The following SMG6 variants were observed in gnomAD, a reference collection of about 807,000 sequenced individuals.
SMG6 encodes telomerase-binding protein EST1A.
In SMG6, 66 loss-of-function variants were observed where a neutral mutation model predicts 142.2. The observed-to-expected ratio is 0.46, with a 90% CI of 0.38 to 0.57. The LOEUF is 0.57. Among genes scored for constraint, SMG6 ranks in the 20% least tolerant of loss-of-function variants. SMG6 has a pLI of 0.00. For synonymous variants in SMG6, 779 were observed against 702.4 expected (o/e 1.11, Z -1.72); for missense variants, 1,793 against 1,832.0 (o/e 0.98, Z 0.39).
intron 13 of SMG6, chr17:2,087,954 A>G (rs1002712040): frequency 2.0e-6 from 2 of 985,666 alleles, no homozygotes; most frequent in Non-Finnish European, 2.4e-6. Flanking sequence ...TACTGCTTGC[A>G]CTATGGAGAA....
intron 8 of SMG6, among the ~76,000 whole-genome samples, chr17:2,251,081 G>A (rs535073540): frequency 2.0e-5 from 3 of 151,356 alleles, no homozygotes; most frequent in Non-Finnish European, 4.4e-5. Flanking sequence ...AGGAGGCACT[G>A]TGTTTCCCTT....
At chr17:2,241,275 T>C (rs1285915654) in intron 9 of SMG6, among the ~76,000 whole-genome samples, 1 of 152,178 alleles carries the variant, frequency 6.6e-6, no homozygotes, top group Non-Finnish European at 1.5e-5. Context: ...ATGAGATATC[T>C]ATTCATTTTT....
rs369510433 is a variant in SMG6, at chr17:2,299,331, T to C, written c.1422A>G (p.Leu474=). The change falls in exon 2 of 19, where the codon CTA becomes CTG. Residue 474 remains leucine, a synonymous_variant. Coordinates refer to ENST00000263073, the MANE Select transcript of SMG6 (RefSeq NM_017575.5). This position sits in a 1 kb window ranked among gnomAD's most constrained non-coding sequence, Gnocchi z 4.3. ...KPALKTQTPQ[L]HFLDTDDEVS... is the part of the protein sequence containing the mutation. ...CTTCATCATCAGTGTCCAAGAAATG[T>C]AGCTGGGGCGTCTGAGTCTTTAGAG... 1.5e-5 allele frequency: 24 copies of C among 1,614,106 alleles called. No homozygotes were observed. In the African/African-American group the frequency reaches 2.1e-4, roughly 14 times the overall value.
intron 10 of SMG6, among the ~76,000 whole-genome samples, chr17:2,230,710 C>T (rs1184607876): frequency 2.0e-5 from 3 of 152,122 alleles, no homozygotes; most frequent in Admixed American, 6.6e-5. Flanking sequence ...CTGCACTAAG[C>T]GGCCTGTCAA....
intron 10 of SMG6, among the ~76,000 whole-genome samples, chr17:2,193,853 AT>A (rs1376719787): frequency 6.6e-6 from 1 of 152,218 alleles, no homozygotes; most frequent in East Asian, 1.9e-4. Flanking sequence ...TTTGAGACAG[AT>A]TCTCACTCTG....
At chr17:2,217,612 T>C (rs2073053544) in intron 10 of SMG6, among the ~76,000 whole-genome samples, 1 of 152,110 alleles carries the variant, frequency 6.6e-6, no homozygotes, top group East Asian at 1.9e-4. Flanking sequence ...AAATATCTCA[T>C]TACCCTCTAC....
At chr17:2,092,822 C>T (rs1318505747) in intron 13 of SMG6, among the ~76,000 whole-genome samples, 6 of 152,368 alleles carry the variant, frequency 3.9e-5, no homozygotes, top group Non-Finnish European at 8.8e-5. Flanking sequence ...GTACTAACTG[C>T]CACTTCCTGG....
chr17:2,157,693 T>C (rs1250156737), intron 13 of SMG6, among the ~76,000 whole-genome samples: 1 of 152,170 alleles, frequency 6.6e-6, no homozygotes, highest in East Asian at 1.9e-4. Context: ...AGGCTTAACT[T>C]TGTAGTAAAG....
intron 10 of SMG6, among the ~76,000 whole-genome samples, chr17:2,202,207 G>A (rs1347391529): frequency 6.6e-6 from 1 of 152,120 alleles, no homozygotes; most frequent in Non-Finnish European, 1.5e-5. Context: ...ATAAATTGTG[G>A]TATATCCACA....
At chr17:2,123,334 A>C (rs1009862978) in intron 13 of SMG6, among the ~76,000 whole-genome samples, 1 of 152,204 alleles carries the variant, frequency 6.6e-6, no homozygotes, top group Non-Finnish European at 1.5e-5. Flanking sequence ...TGGAGACTCC[A>C]AACGATATTC....
At chr17:2,082,169 C>A (rs1433104068) in intron 14 of SMG6, 4 of 563,370 alleles carry the variant, frequency 7.1e-6, no homozygotes, top group Non-Finnish European at 9.5e-6. Context: ...CTTTTATACT[C>A]TGGGGCTTTT....
intron 10 of SMG6, among the ~76,000 whole-genome samples, chr17:2,191,018 T>G (rs545590581): frequency 4.9e-4 from 74 of 152,202 alleles, no homozygotes; most frequent in Non-Finnish European, 8.1e-4. Flanking sequence ...CATGGCTCAG[T>G]AGTACCTCAA....
chr17:2,066,021 A>G (rs1055976238), intron 16 of SMG6: 3 of 337,642 alleles, frequency 8.9e-6, no homozygotes, highest in African/African-American at 2.1e-5. Context: ...GTCCCTCAGG[A>G]GAGTCCAGGG....
intron 13 of SMG6, among the ~76,000 whole-genome samples, chr17:2,121,635 GTGTGTGTGTGT>G (rs1370851735): frequency 6.0e-5 from 4 of 66,976 alleles, no homozygotes; most frequent in East Asian, 3.3e-4. Context: ...GTGTGTGTGT[GTGTGTGTGTGT>G]AGAGAGAGAG....
intron 8 of SMG6, among the ~76,000 whole-genome samples, chr17:2,268,664 C>A (rs923931466): frequency 2.0e-5 from 3 of 152,258 alleles, no homozygotes; most frequent in Admixed American, 2.0e-4. Context: ...ATAATCCCAG[C>A]ACTTCGGGAG....
intron 10 of SMG6, among the ~76,000 whole-genome samples, chr17:2,191,611 G>A (rs2072166280): frequency 6.6e-6 from 1 of 152,138 alleles, no homozygotes; most frequent in Non-Finnish European, 1.5e-5. Context: ...TAAGGGTTTT[G>A]GCTAAGGAAG....
chr17:2,244,369 A>G lies in SMG6; in HGVS notation c.2723+289T>C, dbSNP rs1295491295. On this transcript the variant is annotated intron_variant, in intron 9 of 18. Transcript: ENST00000263073. ...ACTAGGGACCTAAGCCGGAAGGCAG[A>G]GGAAAGAGAAACCCAGAGGGACTGG... Among the ~76,000 whole-genome samples, 4 of 152,346 alleles carry G rather than the reference A, an allele frequency of 2.6e-5. No individual in the cohort carries two copies. In the East Asian group the frequency reaches 7.7e-4, roughly 29 times the overall value.
intron 12 of SMG6, among the ~76,000 whole-genome samples, chr17:2,178,642 C>T (rs1409975042): frequency 6.6e-6 from 1 of 152,208 alleles, no homozygotes; most frequent in Non-Finnish European, 1.5e-5. Flanking sequence ...CAGAGCACCT[C>T]AACCATCCAC....
chr17:2,093,380 G>A (rs780680426), intron 13 of SMG6, among the ~76,000 whole-genome samples: 20 of 152,012 alleles, frequency 1.3e-4, no homozygotes, highest in African/African-American at 3.1e-4. Flanking sequence ...CCATGAGCAC[G>A]CCACTGCACT....
Sources: gnomAD v4.1 joint callset for allele counts (sites outside exome capture counted in the v4.1 genomes callset) on GRCh38, gnomAD v4.1.1 for gene constraint, Gnocchi (gnomAD v3.1) non-coding constraint, MANE v1.5 for transcripts, NCBI Gene and HGNC (gene_info 2026-07-23, HGNC 2026-07-21) for gene names.